The following DDX6 variants were observed in gnomAD, a reference collection of about 807,000 sequenced individuals.
DDX6 encodes the protein probable ATP-dependent RNA helicase DDX6.
DDX6 carries 7 observed loss-of-function variants against 60.6 expected under a neutral mutation model. The observed-to-expected ratio is 0.12, with a 90% CI of 0.07 to 0.22. DDX6 has a LOEUF of 0.22. Ranked by LOEUF, DDX6 falls within the 10% of genes least tolerant of loss-of-function variation. The pLI, the probability that DDX6 is intolerant of heterozygous loss-of-function variation, is 1.00. For synonymous variants in DDX6, 207 were observed against 201.0 expected, an observed-to-expected ratio of 1.03 and a Z score of -0.25; for missense variants, 270 against 589.9, an observed-to-expected ratio of 0.46 and a Z score of 5.62.
chr11:118,768,744 T>C (rs1467781087), intron 4 of DDX6, among the ~76,000 whole-genome samples: 4 of 151,992 alleles, frequency 2.6e-5, no homozygotes, highest in African/African-American at 4.8e-5. Flanking sequence ...GCACAGCAGC[T>C]CATGCCTGTA....
In DDX6 at chr11:118,756,361, A is replaced by G. The variant is rs1474952968; in HGVS notation, c.1111-38T>C. ...AATGTATTCCATTTGATTAACACTC[A>G]TATACAGCCCCAAATTTCCCATAAT... On this transcript the variant is annotated intron_variant, in intron 10 of 13. Coordinates refer to ENST00000534980, the MANE Select transcript of DDX6 (RefSeq NM_004397.6). The G allele has an allele frequency of 2.0e-6, 3 of 1,487,996 alleles. No homozygotes were observed. The African/African-American group carries it at 4.1e-5, about 21-fold the overall frequency. The allele number at this position is 1,487,996 out of a possible 1,614,324, so 92.2% of individuals were successfully genotyped here.
chr11:118,777,562 G>T (rs1555163824), intron 4 of DDX6, among the ~76,000 whole-genome samples: 1 of 152,078 alleles, frequency 6.6e-6, no homozygotes, highest in Admixed American at 6.6e-5. Context: ...GGCCAGGATA[G>T]GTATAAGATA....
rs782737606 is a variant in DDX6 at position 118,747,970 on chromosome 11, T to C, written c.*4135A>G. On this transcript the variant is annotated 3_prime_UTR_variant, in exon 14 of 14. Transcript: ENST00000534980. ...CAATTTTCCCTTCCCCCAATGTTTCTGAAATTTTGAGTTCCCACTGTTCAC... is the reference window on the plus strand; with the variant it reads ...CAATTTTCCCTTCCCCCAATGTTTCCGAAATTTTGAGTTCCCACTGTTCAC... 2 of 140,178 alleles carry C rather than the reference T, an allele frequency of 1.4e-5. No individual in the cohort carries two copies. Among genetic ancestry groups the C allele is most frequent in the Non-Finnish European group, 3.0e-5 (2 of 66,208 alleles). The allele number at this position is 140,178 out of a possible 1,614,324, so 8.7% of individuals were successfully genotyped here.
chr11:118,788,135 C>T (rs1472125485), intron 1 of DDX6: 2 of 152,048 alleles, frequency 1.3e-5, no homozygotes, highest in African/African-American at 4.8e-5. Flanking sequence ...CACGGTGAAA[C>T]TCCGTTCCAC....
rs80122536 is a variant in DDX6, at chr11:118,758,076, C to T, written c.993+698G>A. Among the ~76,000 whole-genome samples the T allele has an allele frequency of 3.5e-3, 538 of 152,278 alleles. 2 individuals are homozygous for T. The highest frequency in any genetic ancestry group is 6.2e-3 in the Non-Finnish European group (420 of 68,006). Reference sequence around the variant, plus strand: ...ACAAGAGGACAGAGATTGCTTTCTTCGACCTCAGCTGGGAATGTGCATGTC... The same window carrying T: ...ACAAGAGGACAGAGATTGCTTTCTTTGACCTCAGCTGGGAATGTGCATGTC... On this transcript the variant is annotated intron_variant, in intron 9 of 13. Transcript: ENST00000534980.
intron 3 of DDX6, among the ~76,000 whole-genome samples, chr11:118,780,523 G>T (rs952030016): frequency 5.3e-5 from 8 of 152,110 alleles, no homozygotes; most frequent in African/African-American, 1.7e-4. Context: ...CAACATGTTG[G>T]CCAGGCTGGT....
At chr11:118,774,303 T>C (rs1861629022) in intron 4 of DDX6, among the ~76,000 whole-genome samples, 1 of 152,140 alleles carries the variant, frequency 6.6e-6, no homozygotes, top group Admixed American at 6.6e-5. Context: ...ACCTTTAGAA[T>C]GGCAATTATT....
chr11:118,768,244 G>C lies in DDX6; in HGVS notation c.478C>G (p.Leu160Val), dbSNP rs782118557. The change falls in exon 5 of 14, where the codon CTG (leucine) becomes GTG (valine). Residue 160 changes from leucine to valine, a missense_variant. Transcript: ENST00000534980. Reference sequence around the variant, plus strand: ...TAACCTTGTATATTGTCCTTCTTCAGGTCTAGCCGTTCAAGTAAGGGAATG... The same window carrying C: ...TAACCTTGTATATTGTCCTTCTTCACGTCTAGCCGTTCAAGTAAGGGAATG... ...YLIPLLERLD[L>V]KKDNIQAMVI... 6.2e-7 allele frequency: 1 copy of C among 1,613,784 alleles called. No homozygotes were observed. The highest frequency in any genetic ancestry group is 1.1e-5 in the South Asian group (1 of 91,062).
At chr11:118,754,013 G>A (rs891120486) in intron 13 of DDX6, among the ~76,000 whole-genome samples, 12 of 152,094 alleles carry the variant, frequency 7.9e-5, no homozygotes, top group South Asian at 6.2e-4. Context: ...CACCAGAATC[G>A]CTTGAACCTG....
chr11:118,774,869 T>C (rs369714063), intron 4 of DDX6, among the ~76,000 whole-genome samples: 3 of 152,064 alleles, frequency 2.0e-5, no homozygotes, highest in Admixed American at 1.3e-4. Flanking sequence ...CCAAGCATGA[T>C]AGAAGAGATA....
intron 5 of DDX6, 109 bp from the exon 6 acceptor site, chr11:118,765,464 G>C: frequency 4.3e-6 from 5 of 1,164,286 alleles, no homozygotes; most frequent in Non-Finnish European, 6.3e-6. Context: ...TGCGCCTTAT[G>C]ATGCAGTGGC....
intron 1 of DDX6, chr11:118,786,724 A>C (rs951477396): frequency 1.9e-5 from 3 of 160,290 alleles, no homozygotes; most frequent in Non-Finnish European, 4.1e-5. Flanking sequence ...CAAACATTTA[A>C]AATTGTTAAT....
chr11:118,771,350 T>A (rs1861528400), intron 4 of DDX6, among the ~76,000 whole-genome samples: 1 of 152,264 alleles, frequency 6.6e-6, no homozygotes, highest in African/African-American at 2.4e-5. Context: ...TTGACTTCTA[T>A]TCCTTTGCCC....
intron 12 of DDX6, 122 bp downstream of exon 12, chr11:118,755,280 G>T: frequency 1.6e-6 from 1 of 629,464 alleles, no homozygotes; most frequent in South Asian, 1.9e-5. Flanking sequence ...CCAAACAACT[G>T]AATTACTGTT....
chr11:118,790,671 CCTGCTGCGCACCACATTCCTATAT>C (rs1361310665), intron 1 of DDX6, among the ~76,000 whole-genome samples: 1 of 152,160 alleles, frequency 6.6e-6, no homozygotes, highest in Non-Finnish European at 1.5e-5. Flanking sequence ...TCCTGCCGAC[CCTGCTGCGCACCACATTCCTATAT>C]TCGCCTCCTC....
chr11:118,790,994 AGCCCTCTC>A (rs1862259074), intron 1 of DDX6, 96 bp downstream of exon 1: 1 of 14,082 alleles, frequency 7.1e-5, no homozygotes, highest in Admixed American at 4.8e-4. Flanking sequence ...GCCCCCACCC[AGCCCTCTC>A]GCTACGGCCT....
At chr11:118,764,557 C>A (rs1456960801) in intron 6 of DDX6, among the ~76,000 whole-genome samples, 1 of 152,084 alleles carries the variant, frequency 6.6e-6, no homozygotes, top group Non-Finnish European at 1.5e-5. Context: ...GTAATCCCAG[C>A]ACTTTGGGAG....
chr11:118,786,353 T>A lies in DDX6; in HGVS notation c.-102A>T. ...AGGCTCTCCAAAATGAAGAGATAAA[T>A]ATAAGTCTTGCTCAATAAATGAGTC... On this transcript the variant is annotated 5_prime_UTR_variant, in exon 2 of 14. Coordinates refer to ENST00000534980, the MANE Select transcript of DDX6 (RefSeq NM_004397.6). 1.9e-6 allele frequency: 2 copies of A among 1,031,230 alleles called. No homozygotes were observed. Among genetic ancestry groups the A allele is most frequent in the Non-Finnish European group, 2.8e-6 (2 of 718,802 alleles). The allele number at this position is 1,031,230 out of a possible 1,614,324, so 63.9% of individuals were successfully genotyped here.
At position 118,749,034 on chromosome 11, in the gene DDX6, A is replaced by T. The variant is rs546143202; in HGVS notation, c.*3071T>A. On this transcript the variant is annotated 3_prime_UTR_variant, in exon 14 of 14. Transcript: ENST00000534980. ...TCCCTCTCTCTTACTTCTGTGAAAG[A>T]TCATTTTAGAATAAATGTATTCCAT... 1 of 152,326 alleles carries T rather than the reference A, an allele frequency of 6.6e-6. No individual in the cohort carries two copies. The highest frequency in any genetic ancestry group is 2.1e-4 in the South Asian group (1 of 4,826). The allele number at this position is 152,326 out of a possible 1,614,324, so 9.4% of individuals were successfully genotyped here.
Sources: allele counts gnomAD v4.1 joint callset (sites outside exome capture counted in the v4.1 genomes callset), GRCh38; gene constraint gnomAD v4.1.1; transcripts MANE v1.5; gene names NCBI Gene and HGNC (gene_info 2026-07-23, HGNC 2026-07-21).